FBXO11: variants seen among roughly 807,000 people sequenced by gnomAD.
FBXO11 encodes F-box only protein 11.
FBXO11 carries 13 observed loss-of-function variants against 117.0 expected under a neutral mutation model. That is an observed-to-expected ratio of 0.11 (90% CI 0.07 to 0.18). FBXO11 has a LOEUF of 0.18. Among genes scored for constraint, FBXO11 ranks in the 10% least tolerant of loss-of-function variants. FBXO11 has a pLI of 1.00. For missense variants in FBXO11, 767 were observed against 1,164.4 expected (o/e 0.66, Z 4.97); for synonymous variants, 490 against 380.5 (o/e 1.29, Z -3.35).
chr2:47,837,626 A>T (rs868669270), intron 4 of FBXO11, among the ~76,000 whole-genome samples: 1 of 152,250 alleles, frequency 6.6e-6, no homozygotes, highest in Admixed American at 6.5e-5. Context: ...AAAGAACTAT[A>T]GTTTCAATAT....
intron 1 of FBXO11, among the ~76,000 whole-genome samples, chr2:47,866,962 T>C (rs1675247168): frequency 6.6e-6 from 1 of 152,228 alleles, no homozygotes; most frequent in African/African-American, 2.4e-5. Flanking sequence ...CTTTTATATG[T>C]ACTCAAAAAC....
At chr2:47,817,984 C>T (rs527944914) in intron 16 of FBXO11, among the ~76,000 whole-genome samples, 1 of 152,278 alleles carries the variant, frequency 6.6e-6, no homozygotes, top group East Asian at 1.9e-4. Flanking sequence ...CCCATCTCTA[C>T]TAAAAATACA....
chr2:47,882,554 AT>A (rs1215262180), intron 1 of FBXO11, among the ~76,000 whole-genome samples: 9 of 152,230 alleles, frequency 5.9e-5, no homozygotes, highest in Admixed American at 2.0e-4. Flanking sequence ...ACTTAAAAAA[AT>A]AAAATCTTTA....
rs528030366 is a variant in FBXO11, at chr2:47,849,501, C to G, written c.233-9732G>C. On this transcript the variant is annotated intron_variant, in intron 1 of 22. Transcript: ENST00000403359. ...TAGTAACAATCTTCAAAAGCCAAAT[C>G]TTGCCATGGACTGTGCTAGGTATTG... is the stretch of plus-strand genomic sequence containing the variant. Among the ~76,000 whole-genome samples the G allele has an allele frequency of 2.4e-4, 36 of 152,304 alleles. No individual in the cohort carries two copies. The South Asian group carries it at 4.4e-3, about 18-fold the overall frequency.
At chr2:47,901,140 TAC>T (rs1341818246) in intron 1 of FBXO11, among the ~76,000 whole-genome samples, 1 of 134,894 alleles carries the variant, frequency 7.4e-6, no homozygotes, top group African/African-American at 2.7e-5. Flanking sequence ...TGTATATATA[TAC>T]ACACGTGTGT....
intron 1 of FBXO11, among the ~76,000 whole-genome samples, chr2:47,863,420 A>G (rs1046161447): frequency 6.6e-6 from 1 of 152,134 alleles, no homozygotes; most frequent in African/African-American, 2.4e-5. Context: ...CTCTGAAACA[A>G]CACAGCTAAA....
At chr2:47,846,305 T>TA (rs1399282536) in intron 1 of FBXO11, among the ~76,000 whole-genome samples, 1 of 152,210 alleles carries the variant, frequency 6.6e-6, no homozygotes, top group East Asian at 1.9e-4. Flanking sequence ...CCGTCTCTAC[T>TA]AAAAATACAA....
chr2:47,838,061 C>CAA (rs11286219), intron 4 of FBXO11, among the ~76,000 whole-genome samples: 151 of 104,470 alleles, frequency 1.4e-3, no homozygotes, highest in African/African-American at 4.9e-3. Context: ...CCCTTTGTCT[C>CAA]AAAAAAAAAA....
At chr2:47,861,502 TGG>T (rs1674773840) in intron 1 of FBXO11, among the ~76,000 whole-genome samples, 1 of 152,050 alleles carries the variant, frequency 6.6e-6, no homozygotes, top group Non-Finnish European at 1.5e-5. Flanking sequence ...AAATTTTTTT[TGG>T]AGAGATGGTG....
chr2:47,815,456 G>A (rs1042155462), intron 16 of FBXO11, among the ~76,000 whole-genome samples: 9 of 152,166 alleles, frequency 5.9e-5, no homozygotes, highest in African/African-American at 2.2e-4. Context: ...TCAATTTGGG[G>A]GAGAAAAGGA....
At chr2:47,854,402 T>C (rs1476268788) in intron 1 of FBXO11, among the ~76,000 whole-genome samples, 2 of 151,960 alleles carry the variant, frequency 1.3e-5, no homozygotes, top group African/African-American at 2.4e-5. Flanking sequence ...AACTTTCCCA[T>C]CTTAGACTTA....
chr2:47,827,967 G>T (rs563054748), intron 11 of FBXO11, among the ~76,000 whole-genome samples: 1 of 152,030 alleles, frequency 6.6e-6, no homozygotes, highest in Non-Finnish European at 1.5e-5. Context: ...AAAGTGCTGC[G>T]ATTACAGAGC....
At chr2:47,877,923 T>A (rs866416233) in intron 1 of FBXO11, among the ~76,000 whole-genome samples, 1 of 152,164 alleles carries the variant, frequency 6.6e-6, no homozygotes, top group African/African-American at 2.4e-5. Context: ...GACCTCATCA[T>A]CCGCCTGCCT....
chr2:47,867,470 A>G (rs1442270158), intron 1 of FBXO11, among the ~76,000 whole-genome samples: 1 of 152,246 alleles, frequency 6.6e-6, no homozygotes, highest in African/African-American at 2.4e-5. Context: ...CACACGGCCC[A>G]ATGACAAAGG....
At chr2:47,826,990 G>T (rs1430979345) in intron 11 of FBXO11, among the ~76,000 whole-genome samples, 1 of 152,290 alleles carries the variant, frequency 6.6e-6, no homozygotes, top group Middle Eastern at 3.4e-3. Flanking sequence ...CTGGTTGGCT[G>T]CCCTGGTCAC....
At chr2:47,821,269 G>C (rs1235990190) in intron 13 of FBXO11, among the ~76,000 whole-genome samples, 1 of 151,888 alleles carries the variant, frequency 6.6e-6, no homozygotes, top group Non-Finnish European at 1.5e-5. Context: ...CTTGAGGCCA[G>C]GAGTTCAAAA....
intron 1 of FBXO11, among the ~76,000 whole-genome samples, chr2:47,868,530 A>C (rs1242258684): frequency 1.3e-5 from 2 of 152,080 alleles, no homozygotes; most frequent in Non-Finnish European, 2.9e-5. Context: ...GGAACTCCTA[A>C]TATTTGAGAG....
At chr2:47,860,767 A>T (rs1438452900) in intron 1 of FBXO11, among the ~76,000 whole-genome samples, 1 of 151,692 alleles carries the variant, frequency 6.6e-6, no homozygotes, top group African/African-American at 2.4e-5. Flanking sequence ...AGAGAGAAAG[A>T]AAGTCAAACC....
At chr2:47,834,523 C>A in intron 7 of FBXO11, 56 bp downstream of exon 7, 2 of 1,334,296 alleles carry the variant, frequency 1.5e-6, no homozygotes, top group Non-Finnish European at 1.0e-6. Flanking sequence ...TTTTAAAATC[C>A]TATCACATAA....
Sources: gnomAD v4.1 joint callset for allele counts (sites outside exome capture counted in the v4.1 genomes callset) on GRCh38, gnomAD v4.1.1 for gene constraint, MANE v1.5 for transcripts, NCBI Gene and HGNC (gene_info 2026-07-23, HGNC 2026-07-21) for gene names.